SMIM14: variants seen among roughly 807,000 people sequenced by gnomAD.
SMIM14 encodes chromosome 4 open reading frame 34.
SMIM14 carries 5 observed loss-of-function variants against 12.6 expected under a neutral mutation model. The observed-to-expected ratio is 0.40, with a 90% confidence interval of 0.21 to 0.83. SMIM14 has a LOEUF of 0.83. Among genes scored for constraint, SMIM14 ranks in the 40% least tolerant of loss-of-function variants. The pLI, the probability that SMIM14 is intolerant of heterozygous loss-of-function variation, is 0.37. For synonymous variants in SMIM14, 30 were observed against 40.1 expected (o/e 0.75, Z 0.95); for missense variants, 86 against 119.1 (o/e 0.72, Z 1.29).
chr4:39,555,048 C>T (rs2109981175), intron 4 of SMIM14, among the ~76,000 whole-genome samples: 1 of 151,778 alleles, frequency 6.6e-6, no homozygotes, highest in Middle Eastern at 3.4e-3. Flanking sequence ...GTTGGCCAGG[C>T]TGGTCTCGAA....
At chr4:39,593,587 T>G (rs1377965778) in intron 2 of SMIM14, 1 of 152,174 alleles carries the variant, frequency 6.6e-6, no homozygotes, top group Non-Finnish European at 1.5e-5. Context: ...TAAAGGGTAT[T>G]CAATTAGGAA....
At chr4:39,589,897 G>C (rs768486707) in intron 2 of SMIM14, among the ~76,000 whole-genome samples, 2 of 151,396 alleles carry the variant, frequency 1.3e-5, no homozygotes, top group Non-Finnish European at 2.9e-5. Flanking sequence ...AAAATTAGCC[G>C]GGTGTGGTGG....
At chr4:39,578,951 C>T (rs141746419) in intron 2 of SMIM14, among the ~76,000 whole-genome samples, 3,795 of 140,692 alleles carry the variant, frequency 0.027, 73 homozygotes, top group Non-Finnish European at 0.037. Flanking sequence ...GAGCCGAGAT[C>T]ATACCACTGC....
intron 3 of SMIM14, among the ~76,000 whole-genome samples, chr4:39,564,866 T>C (rs931800037): frequency 1.3e-5 from 2 of 152,102 alleles, no homozygotes; most frequent in Admixed American, 6.6e-5. Context: ...TGGAGGCCAA[T>C]GTGGCTGAAG....
At chr4:39,637,396 C>T (rs187098165) in intron 1 of SMIM14, among the ~76,000 whole-genome samples, 113 of 152,252 alleles carry the variant, frequency 7.4e-4, no homozygotes, top group South Asian at 1.5e-3. Context: ...ACGGCAAACA[C>T]TGGAGAAAAG....
chr4:39,637,294 A>G (rs994095577), intron 1 of SMIM14, among the ~76,000 whole-genome samples: 10 of 152,190 alleles, frequency 6.6e-5, no homozygotes, highest in African/African-American at 2.4e-4. Context: ...AGGCTAGCAT[A>G]AAAGGTAAAA....
chr4:39,597,744 A>G lies in SMIM14; in HGVS notation c.75+7327T>C, dbSNP rs550322675. Among the ~76,000 whole-genome samples the G allele has an allele frequency of 2.0e-5, 3 of 152,252 alleles. No individual in the cohort carries two copies. In the South Asian group the frequency reaches 6.2e-4, roughly 32 times the overall value. On this transcript the variant is annotated intron_variant, in intron 2 of 4. Transcript: ENST00000295958. ...ATGTTCATGATTTTTCCTATTAGTAAGTATTTACTTCATCTTGTCTTCTAA... is the reference window on the plus strand; with the variant it reads ...ATGTTCATGATTTTTCCTATTAGTAGGTATTTACTTCATCTTGTCTTCTAA...
At chr4:39,629,221 C>T (rs932592003) in intron 1 of SMIM14, among the ~76,000 whole-genome samples, 6 of 151,046 alleles carry the variant, frequency 4.0e-5, no homozygotes, top group African/African-American at 1.5e-4. Context: ...ATCAGCTGGG[C>T]GTGGTAGTGC....
rs1711681214 is a variant in SMIM14, at chr4:39,551,124, T to G, written c.*1002A>C. On this transcript the variant is annotated 3_prime_UTR_variant, in exon 5 of 5. Coordinates refer to ENST00000295958, the MANE Select transcript of SMIM14 (RefSeq NM_174921.3). ...CAGGGTTTCACCATGTTGGCCAGGCTGGTCTCGAACTCCTGACCTCAAGTG... is the reference window on the plus strand; with the variant it reads ...CAGGGTTTCACCATGTTGGCCAGGCGGGTCTCGAACTCCTGACCTCAAGTG... 6.6e-6 allele frequency: 1 copy of G among 152,158 alleles called. No individual in the cohort carries two copies. Among genetic ancestry groups the G allele is most frequent in the Middle Eastern group, 3.2e-3 (1 of 316 alleles). The allele number at this position is 152,158 out of a possible 1,614,324, so 9.4% of individuals were successfully genotyped here.
intron 1 of SMIM14, among the ~76,000 whole-genome samples, chr4:39,617,991 A>G (rs1406385480): frequency 6.6e-6 from 1 of 152,226 alleles, no homozygotes; most frequent in Non-Finnish European, 1.5e-5. Flanking sequence ...AATCAAAGAC[A>G]TCATCTGGAT....
intron 3 of SMIM14, among the ~76,000 whole-genome samples, 175 bp from the exon 4 acceptor site, chr4:39,556,745 G>A (rs1161135916): frequency 6.6e-6 from 1 of 152,162 alleles, no homozygotes; most frequent in Non-Finnish European, 1.5e-5. Context: ...CATCTAAAAA[G>A]TAAATGATGT....
Position 39,552,123 on chromosome 4 carries a change from AAGTT to A in SMIM14, c.299_*2del, listed in dbSNP as rs1711750263. On this transcript the variant is annotated stop_lost and 3_prime_UTR_variant, in exon 5 of 5. Coordinates refer to ENST00000295958, the MANE Select transcript of SMIM14 (RefSeq NM_174921.3). ...AACTATTTTCACTTCCCATATCACA[AAGTT>A]AGTCCACAGGAGGAGCTGGTGGATC... The A allele has an allele frequency of 6.3e-7, 1 of 1,593,996 alleles. No individual in the cohort carries two copies. The highest frequency in any genetic ancestry group is 8.5e-7 in the Non-Finnish European group (1 of 1,169,978).
In SMIM14 at chr4:39,550,160, G is replaced by A. The variant is rs995059982; in HGVS notation, c.*1966C>T. The A allele has an allele frequency of 2.8e-4, 42 of 152,140 alleles. 1 individual carries two copies. Among genetic ancestry groups the A allele is most frequent in the African/African-American group, 9.2e-4 (38 of 41,432 alleles). 9.4% of individuals were successfully genotyped at this position (152,140 alleles called of 1,614,324 possible). A position where few individuals can be genotyped will look rare whatever the true frequency, so the allele number is the denominator to read the frequency against. On this transcript the variant is annotated 3_prime_UTR_variant, in exon 5 of 5. Transcript: ENST00000295958. ...ATTTACCAGATCTAAACAGTGAATA[G>A]ACTGACCTAAGGGGAAAAAAATCCT...
chr4:39,584,401 G>A (rs1288065318), intron 2 of SMIM14, among the ~76,000 whole-genome samples: 1 of 143,658 alleles, frequency 7.0e-6, no homozygotes, highest in African/African-American at 2.5e-5. Context: ...AGAATTGCTT[G>A]AACCTGGGAG....
At chr4:39,596,475 T>A (rs572120490) in intron 2 of SMIM14, among the ~76,000 whole-genome samples, 1 of 152,276 alleles carries the variant, frequency 6.6e-6, no homozygotes, top group East Asian at 1.9e-4. Flanking sequence ...TAAAACTAAA[T>A]GGTCAGGACT....
chr4:39,563,097 G>C (rs1402676105), intron 3 of SMIM14, among the ~76,000 whole-genome samples: 2 of 151,610 alleles, frequency 1.3e-5, no homozygotes, highest in African/African-American at 4.9e-5. Flanking sequence ...TTTCACTCTT[G>C]CTGGCCAGGC....
At chr4:39,634,227 G>A (rs1042659241) in intron 1 of SMIM14, among the ~76,000 whole-genome samples, 17 of 152,108 alleles carry the variant, frequency 1.1e-4, no homozygotes, top group African/African-American at 1.9e-4. Context: ...GCGCCCAGCC[G>A]CAGAATGTTT....
At chr4:39,630,916 G>A (rs990807606) in intron 1 of SMIM14, among the ~76,000 whole-genome samples, 13 of 150,772 alleles carry the variant, frequency 8.6e-5, no homozygotes, top group African/African-American at 1.7e-4. Context: ...AAGCAAGCAA[G>A]CAAGGATTAA....
chr4:39,594,546 G>A (rs1714270219), intron 2 of SMIM14: 3 of 147,926 alleles, frequency 2.0e-5, no homozygotes, highest in Non-Finnish European at 4.5e-5. Context: ...AGCCAAAATT[G>A]ACAAATGGGA....
Sources: gnomAD v4.1 joint callset for allele counts (sites outside exome capture counted in the v4.1 genomes callset) on GRCh38, gnomAD v4.1.1 for gene constraint, MANE v1.5 for transcripts, NCBI Gene and HGNC (gene_info 2026-07-23, HGNC 2026-07-21) for gene names.